Variants in SCART1 observed in about 807,000 individuals in gnomAD.
The protein encoded by SCART1 is scavenger receptor cysteine-rich domain-containing protein SCART1.
SCART1 carries 62 observed loss-of-function variants against 36.2 expected under a neutral mutation model. The ratio of observed to expected loss-of-function variants is 1.71; its 90% CI spans 1.40 to 2.12. The LOEUF is 2.12. Ranked by LOEUF, SCART1 falls within the 30% of genes most tolerant of loss-of-function variation. The probability of loss-of-function intolerance (pLI) is 0.00; values close to 1 mark genes in which losing one functional copy is unlikely to be tolerated. For synonymous variants in SCART1, 487 were observed against 238.7 expected, an observed-to-expected ratio of 2.04 and a Z score of -9.59; for missense variants, 1,041 against 540.5, an observed-to-expected ratio of 1.93 and a Z score of -9.18.
intron 11 of SCART1, among the ~76,000 whole-genome samples, 193 bp downstream of exon 11, chr10:133,467,546 G>A (rs1850776136): frequency 6.6e-6 from 1 of 152,164 alleles, no homozygotes; most frequent in South Asian, 2.1e-4. Context: ...GTCAGTGGCT[G>A]GAGTCCCCAT....
At chr10:133,457,555 A>T in exon 3 of SCART1, 1 of 701,120 alleles carries the variant, frequency 1.4e-6, no homozygotes. Context: ...CTGCGGCTGG[A>T]CGCAGAGGTG....
chr10:133,456,014 G>A (rs1850605183), intron 1 of SCART1, among the ~76,000 whole-genome samples: 1 of 152,086 alleles, frequency 6.6e-6, no homozygotes, highest in Admixed American at 6.5e-5. Flanking sequence ...CAGGATGTTG[G>A]GGCTCCAGAG....
intron 6 of SCART1, 185 bp from the exon 7 acceptor site, chr10:133,464,421 T>A: frequency 1.8e-6 from 1 of 557,608 alleles, no homozygotes; most frequent in South Asian, 2.5e-5. Context: ...TTCCTCTGGG[T>A]CTATACACAG....
At chr10:133,456,872 A>T (rs549019998) in intron 2 of SCART1, among the ~76,000 whole-genome samples, 1 of 152,160 alleles carries the variant, frequency 6.6e-6, no homozygotes, top group Non-Finnish European at 1.5e-5. Context: ...AGGCCCACAC[A>T]GGTAGCTGAT....
In SCART1 at chr10:133,459,015, C is replaced by T. The variant is rs1017470835; in HGVS notation, c.980-6C>T. On this transcript the variant is annotated splice_region_variant and splice_polypyrimidine_tract_variant and intron_variant, in intron 4 of 11. Transcript: ENST00000640237. ...GCAAGCCAGGCTGACTCCTCCTCTC[C>T]CCCAGAGTTCAGGATGGTCAACGGC... 4.5e-6 allele frequency: 3 copies of T among 673,724 alleles called. No individual in the cohort carries two copies. Among genetic ancestry groups the T allele is most frequent in the Non-Finnish European group, 8.1e-6 (3 of 368,494 alleles). The allele number at this position is 673,724 out of a possible 1,614,324, so 41.7% of individuals were successfully genotyped here.
chr10:133,464,913 T>A lies in SCART1; in HGVS notation c.2275+2T>A, dbSNP rs1404598029. On this transcript the variant is annotated splice_donor_variant, in intron 7 of 11. Transcript: ENST00000640237. LOFTEE classifies it high-confidence loss of function. ...CACTCTTGCGACCTTCGAGAGCAGG[T>A]CTGGATTACCTGTGCAGGTGGGCAT... is the stretch of plus-strand genomic sequence containing the variant. 4.3e-6 allele frequency: 3 copies of A among 702,506 alleles called. No individual in the cohort carries two copies. The Admixed American group carries it at 6.0e-5, about 14-fold the overall frequency. The allele number at this position is 702,506 out of a possible 1,614,324, so 43.5% of individuals were successfully genotyped here.
chr10:133,456,288 T>C (rs1274182222), exon 2 of SCART1: 2 of 702,436 alleles, frequency 2.8e-6, no homozygotes, highest in Admixed American at 4.0e-5. Context: ...TGCGACGGAG[T>C]GGTGTTGGTC....
intron 6 of SCART1, among the ~76,000 whole-genome samples, chr10:133,463,504 CTTT>C (rs34222160): frequency 5.6e-5 from 7 of 125,750 alleles, no homozygotes; most frequent in Admixed American, 8.2e-5. Flanking sequence ...ACGTATTTGA[CTTT>C]TTTTTTTTTT....
exon 9 of SCART1, chr10:133,465,521 G>A (rs1391340240): frequency 3.8e-6 from 2 of 526,766 alleles, no homozygotes; most frequent in Non-Finnish European, 6.6e-6. Context: ...CGGTGGGGAC[G>A]CGGAGACCGC....
chr10:133,459,913 C>T (rs566051633), exon 6 of SCART1: 4 of 540,752 alleles, frequency 7.4e-6, no homozygotes, highest in Non-Finnish European at 1.3e-5. Flanking sequence ...GGGGCCGGGG[C>T]GCTGCACGGG....
At position 133,467,190 on chromosome 10, in the gene SCART1, T is replaced by C. The variant is rs189164913; in HGVS notation, c.2807-8T>C. On this transcript the variant is annotated splice_region_variant and splice_polypyrimidine_tract_variant and intron_variant, in intron 10 of 11. Coordinates refer to ENST00000640237, the Ensembl canonical transcript of SCART1. ...GGCCTGTGTGTGACCATGCTCACCT[T>C]GCCTCAGGTCTGGGAAGATCCGAGG... is the stretch of plus-strand genomic sequence containing the variant. 77 of 691,102 alleles carry C rather than the reference T, an allele frequency of 1.1e-4. No homozygotes were observed. The African/African-American group carries it at 1.2e-3, about 10-fold the overall frequency. The allele number at this position is 691,102 out of a possible 1,614,324, so 42.8% of individuals were successfully genotyped here.
intron 2 of SCART1, chr10:133,456,985 C>T (rs1258130685): frequency 9.5e-6 from 5 of 528,584 alleles, no homozygotes; most frequent in Non-Finnish European, 1.7e-5. Flanking sequence ...TGTGAGGACC[C>T]CCTCATAGCG....
At chr10:133,465,665 A>G (rs1183961972) in intron 9 of SCART1, 100 bp downstream of exon 9, 1 of 598,944 alleles carries the variant, frequency 1.7e-6, no homozygotes, top group Non-Finnish European at 3.0e-6. Context: ...GAGCTCGCCC[A>G]GGTGTTAGTG....
At chr10:133,469,401 T>C (rs1850794271), downstream of SCART1, among the ~76,000 whole-genome samples, 1 of 152,172 alleles carries the variant, frequency 6.6e-6, no homozygotes, top group African/African-American at 2.4e-5. Flanking sequence ...CACCATGGAA[T>C]ATTATGCAGC....
chr10:133,459,107 C>T, exon 5 of SCART1: 1 of 702,030 alleles, frequency 1.4e-6, no homozygotes, highest in Non-Finnish European at 2.6e-6. Context: ...CTGTGCCACC[C>T]ACTGGGACAT....
intron 3 of SCART1, chr10:133,457,950 C>T (rs1460014585): frequency 9.7e-6 from 5 of 513,284 alleles, no homozygotes; most frequent in Non-Finnish European, 1.4e-5. Context: ...CTCACAGCTC[C>T]TGGCCTTGTT....
At chr10:133,459,440 G>A (rs887231136) in intron 5 of SCART1, 47 bp from the exon 6 acceptor site, 18 of 620,510 alleles carry the variant, frequency 2.9e-5, no homozygotes, top group South Asian at 2.6e-4. Flanking sequence ...GGTGGTCCTG[G>A]GTCCCTCCCG....
At chr10:133,467,290 G>A (rs1386884396) in exon 11 of SCART1, 1 of 703,034 alleles carries the variant, frequency 1.4e-6, no homozygotes. Flanking sequence ...AATCATGGAG[G>A]CCGAGGCTGT....
exon 6 of SCART1, chr10:133,459,975 G>C: frequency 1.8e-6 from 1 of 546,336 alleles, no homozygotes; most frequent in Non-Finnish European, 3.2e-6. Flanking sequence ...GGACGCGCAC[G>C]TGGTCTGCAG....
Sources: gnomAD v4.1 joint callset for allele counts (sites outside exome capture counted in the v4.1 genomes callset) on GRCh38, gnomAD v4.1.1 for gene constraint, MANE v1.5 for transcripts, NCBI Gene and HGNC (gene_info 2026-07-23, HGNC 2026-07-21) for gene names.